The following RBFOX1 variants were observed in gnomAD, a reference collection of about 807,000 sequenced individuals.
RBFOX1 encodes RNA binding fox-1 homolog 1, also known as RNA binding protein fox-1 homolog 1.
A neutral mutation model predicts 57.7 loss-of-function variants in RBFOX1; 8 were observed. The ratio of observed to expected loss-of-function variants is 0.14; its 90% CI spans 0.08 to 0.25. The LOEUF (loss-of-function observed/expected upper bound fraction) is 0.25, where lower values mean the gene tolerates loss of function less well. RBFOX1 is among the 10% of genes least tolerant of loss of function. RBFOX1 has a pLI of 1.00. For missense variants in RBFOX1, 611 were observed against 548.5 expected (o/e 1.11, Z -1.14); for synonymous variants, 326 against 222.4 (o/e 1.47, Z -4.15).
intron 3 of RBFOX1, among the ~76,000 whole-genome samples, chr16:6,941,903 G>A (rs899490906): frequency 6.6e-6 from 1 of 152,016 alleles, no homozygotes. Context: ...AAATGCCTGT[G>A]CTCAAGCAGT....
At chr16:7,428,253 G>A (rs566184425) in intron 4 of RBFOX1, among the ~76,000 whole-genome samples, 6 of 150,764 alleles carry the variant, frequency 4.0e-5, no homozygotes, top group East Asian at 3.9e-4. Flanking sequence ...TTGGCATATC[G>A]TCACTGCAGT....
intron 2 of RBFOX1, among the ~76,000 whole-genome samples, chr16:6,409,609 C>G (rs947151213): frequency 6.6e-5 from 10 of 152,066 alleles, no homozygotes; most frequent in African/African-American, 2.4e-4. Flanking sequence ...TTAAAATACC[C>G]TGTGAAACTT....
chr16:5,806,719 C>T (rs753999829), intron 3 of RBFOX1, among the ~76,000 whole-genome samples: 14 of 152,220 alleles, frequency 9.2e-5, no homozygotes, highest in Non-Finnish European at 1.8e-4. Context: ...AAGACAAGAG[C>T]TGAAAGCTAA....
chr16:6,067,829 C>T lies in RBFOX1; in HGVS notation c.-127+47837C>T, dbSNP rs989021403. 1.3e-5 allele frequency among the ~76,000 whole-genome samples: 2 copies of T among 152,154 alleles called. 1 individual carries two copies. The highest frequency in any genetic ancestry group is 4.1e-4 in the South Asian group (2 of 4,826). On this transcript the variant is annotated intron_variant, in intron 1 of 15. Transcript: ENST00000550418. ...ATTGACAGTTACTGTTTAATTATAC[C>T]AGCCCACTGAAAACTCACAGACTAA...
chr16:5,355,851 G>A (rs1174782123), intron 1 of RBFOX1, among the ~76,000 whole-genome samples: 1 of 152,168 alleles, frequency 6.6e-6, no homozygotes, highest in African/African-American at 2.4e-5. Context: ...AGCCCTTTCG[G>A]AGGCCGAGGC....
chr16:5,591,883 C>A (rs545934470), intron 2 of RBFOX1, among the ~76,000 whole-genome samples: 7 of 152,156 alleles, frequency 4.6e-5, no homozygotes, highest in African/African-American at 1.7e-4. Context: ...AGCAGACACT[C>A]GAAAAATGGA....
intron 3 of RBFOX1, among the ~76,000 whole-genome samples, chr16:6,752,802 T>A (rs1365051745): frequency 2.3e-5 from 3 of 128,650 alleles, no homozygotes; most frequent in Non-Finnish European, 3.2e-5. Flanking sequence ...ATTGTCAAAC[T>A]TTATTCCTAC....
intron 3 of RBFOX1, chr16:7,004,009 A>ATTT (rs2093076491): frequency 2.0e-5 from 3 of 149,836 alleles, no homozygotes; most frequent in East Asian, 2.0e-4. Flanking sequence ...TTTTTTTATA[A>ATTT]AAAAAGTAAC....
intron 3 of RBFOX1, among the ~76,000 whole-genome samples, chr16:6,714,758 G>A (rs2064432179): frequency 6.6e-6 from 1 of 152,182 alleles, no homozygotes; most frequent in Non-Finnish European, 1.5e-5. Context: ...GACATGGGCA[G>A]TACCGTTTTC....
At chr16:5,267,889 C>G (rs1455640175) in intron 1 of RBFOX1, among the ~76,000 whole-genome samples, 1 of 152,068 alleles carries the variant, frequency 6.6e-6, no homozygotes, top group Non-Finnish European at 1.5e-5. Flanking sequence ...TGAGCACAGC[C>G]TGGCCAACAT....
At chr16:5,873,943 G>A (rs987096180) in intron 4 of RBFOX1, among the ~76,000 whole-genome samples, 1 of 152,160 alleles carries the variant, frequency 6.6e-6, no homozygotes. Flanking sequence ...AAAGCTGCCT[G>A]CTCAGAGAAT....
intron 4 of RBFOX1, among the ~76,000 whole-genome samples, chr16:7,251,636 T>C (rs1400506205): frequency 1.3e-5 from 2 of 152,082 alleles, no homozygotes; most frequent in Admixed American, 1.3e-4. Flanking sequence ...GCTTGCCTGG[T>C]CTTGAACTCC....
chr16:6,588,017 G>A (rs1387794789), intron 2 of RBFOX1, among the ~76,000 whole-genome samples: 1 of 151,964 alleles, frequency 6.6e-6, no homozygotes, highest in East Asian at 2.0e-4. Context: ...ATCACCTGAG[G>A]TCAGGAGTTT....
chr16:7,264,514 C>G (rs1195125170), intron 4 of RBFOX1, among the ~76,000 whole-genome samples: 2 of 152,276 alleles, frequency 1.3e-5, no homozygotes, highest in Non-Finnish European at 2.9e-5. Flanking sequence ...TTAGTCTTTG[C>G]TGACCACGTA....
intron 2 of RBFOX1, among the ~76,000 whole-genome samples, chr16:6,444,131 G>A (rs981825055): frequency 6.6e-6 from 1 of 152,136 alleles, no homozygotes; most frequent in Admixed American, 6.5e-5. Context: ...ATCGATTGCT[G>A]TCCTGTTGTG....
At chr16:5,733,186 C>T (rs900251976) in intron 3 of RBFOX1, among the ~76,000 whole-genome samples, 6 of 152,120 alleles carry the variant, frequency 3.9e-5, no homozygotes, top group African/African-American at 1.4e-4. Flanking sequence ...AACATTTCAC[C>T]AACTAGGAAA....
chr16:6,818,112 C>G (rs567717118), intron 3 of RBFOX1, among the ~76,000 whole-genome samples: 1 of 152,040 alleles, frequency 6.6e-6, no homozygotes, highest in South Asian at 2.1e-4. Context: ...GATTTTCCAC[C>G]CCTCCCTCTA....
intron 2 of RBFOX1, among the ~76,000 whole-genome samples, chr16:6,419,318 T>C (rs1355445044): frequency 6.6e-6 from 1 of 152,198 alleles, no homozygotes. Flanking sequence ...GAATTGCCTG[T>C]TGACATACAG....
downstream of RBFOX1, among the ~76,000 whole-genome samples, chr16:5,602,057 C>T (rs1398383072): frequency 6.6e-6 from 1 of 152,228 alleles, no homozygotes; most frequent in Non-Finnish European, 1.5e-5. Flanking sequence ...CCTTAACCTG[C>T]TCCTCCATCT....
Sources: gnomAD v4.1 joint callset for allele counts (sites outside exome capture counted in the v4.1 genomes callset) on GRCh38, gnomAD v4.1.1 for gene constraint, MANE v1.5 for transcripts, NCBI Gene and HGNC (gene_info 2026-07-23, HGNC 2026-07-21) for gene names.